Variants in OTOA observed in about 807,000 individuals in gnomAD.
OTOA encodes the protein cancer/testis antigen 108.
Under a neutral mutation model 110.8 loss-of-function variants are expected in OTOA, and 70 were observed. The ratio of observed to expected loss-of-function variants is 0.63; its 90% CI spans 0.52 to 0.77. The LOEUF is 0.77. OTOA is among the 30% of genes least tolerant of loss of function. The probability of loss-of-function intolerance (pLI) is 0.00; values close to 1 mark genes in which losing one functional copy is unlikely to be tolerated. For missense variants in OTOA, 917 were observed against 1,075.8 expected, an observed-to-expected ratio of 0.85 and a Z score of 2.06; for synonymous variants, 373 against 431.5, an observed-to-expected ratio of 0.86 and a Z score of 1.68.
intron 24 of OTOA, among the ~76,000 whole-genome samples, chr16:21,749,860 T>G (rs1456590455): frequency 2.8e-5 from 4 of 141,684 alleles, no homozygotes; most frequent in Non-Finnish European, 6.1e-5. Context: ...ATTTTTGTAT[T>G]TTTTGGTAGA....
intron 1 of OTOA, among the ~76,000 whole-genome samples, chr16:21,673,236 C>A (rs1290202143): frequency 6.6e-6 from 1 of 152,132 alleles, no homozygotes; most frequent in Non-Finnish European, 1.5e-5. Flanking sequence ...CCAGTTTCCC[C>A]CATTGGTTAC....
At chr16:21,691,552 T>G (rs767326746) in intron 8 of OTOA, 32 bp from the exon 9 acceptor site, 71 of 1,572,676 alleles carry the variant, frequency 4.5e-5, no homozygotes, top group Non-Finnish European at 6.0e-5. Flanking sequence ...ACCTGCTTGT[T>G]ATTAGCTGAT....
chr16:21,680,249 C>T (rs573210344), intron 5 of OTOA, among the ~76,000 whole-genome samples: 2 of 152,174 alleles, frequency 1.3e-5, no homozygotes, highest in South Asian at 2.1e-4. Flanking sequence ...CGCGGTGGCT[C>T]ATGCCTATAA....
Position 21,710,067 on chromosome 16 carries a change from C to A in OTOA, c.1284C>A (p.Val428=). 6.2e-7 allele frequency: 1 copy of A among 1,613,942 alleles called. No homozygotes were observed. Among genetic ancestry groups the A allele is most frequent in the South Asian group, 1.1e-5 (1 of 91,016 alleles). The change falls in exon 13 of 29, where the codon GTC becomes GTA. Residue 428 remains valine (V), a synonymous_variant. Coordinates refer to ENST00000646100, the MANE Select transcript of OTOA (RefSeq NM_144672.4). The part of the protein sequence containing the change: ...NQVSGWAKSQ[V]IILSAKYLAH... The stretch of plus-strand genomic sequence containing the variant: ...TCTCAGGTTGGGCCAAGAGCCAGGT[C>A]ATCATCTTGTCTGCCAAATACTTGG...
intron 15 of OTOA, among the ~76,000 whole-genome samples, chr16:21,718,773 C>T (rs181412534): frequency 6.6e-6 from 1 of 152,184 alleles, no homozygotes; most frequent in Admixed American, 6.5e-5. Context: ...GTGTTCAGAA[C>T]CTGGCAGGTG....
intron 6 of OTOA, 143 bp downstream of exon 6, chr16:21,681,968 T>C: frequency 1.3e-6 from 1 of 748,014 alleles, no homozygotes; most frequent in Non-Finnish European, 2.3e-6. Context: ...CAGTTTTTCT[T>C]GAAACATGAT....
intron 7 of OTOA, among the ~76,000 whole-genome samples, chr16:21,686,863 G>A (rs781310421): frequency 2.0e-5 from 3 of 152,080 alleles, no homozygotes; most frequent in Non-Finnish European, 2.9e-5. Context: ...ACTGCACTGC[G>A]GACTGGGTGA....
chr16:21,683,513 C>A (rs779476851), intron 6 of OTOA, among the ~76,000 whole-genome samples: 9 of 151,848 alleles, frequency 5.9e-5, no homozygotes, highest in African/African-American at 2.2e-4. Context: ...GCCAACATAG[C>A]GAGACCTTGT....
intron 19 of OTOA, chr16:21,727,000 A>C: frequency 1.5e-5 from 4 of 273,654 alleles, no homozygotes; most frequent in Non-Finnish European, 2.1e-5. Flanking sequence ...GGAGTAGCAC[A>C]TCCCCCTTAG....
chr16:21,672,250 T>C (rs1966850186), intron 1 of OTOA, among the ~76,000 whole-genome samples: 1 of 152,142 alleles, frequency 6.6e-6, no homozygotes, highest in Non-Finnish European at 1.5e-5. Flanking sequence ...ATATCAGTAG[T>C]GTATTCCTTT....
Position 21,728,234 on chromosome 16 carries a change from G to C in OTOA, c.2017-7G>C. On this transcript the variant is annotated splice_polypyrimidine_tract_variant and splice_region_variant and intron_variant, in intron 19 of 28. Transcript: ENST00000646100. ...AACTGCCCATTGGCTCCACTTTTTG[G>C]GTTCAGGACGACTCCATTGCTGATG... 1 of 1,614,062 alleles carries C rather than the reference G, an allele frequency of 6.2e-7. No homozygotes were observed. Among genetic ancestry groups the C allele is most frequent in the South Asian group, 1.1e-5 (1 of 91,078 alleles).
chr16:21,677,162 TA>T (rs1966859632), intron 1 of OTOA, among the ~76,000 whole-genome samples: 1 of 152,214 alleles, frequency 6.6e-6, no homozygotes, highest in African/African-American at 2.4e-5. Context: ...TGAAGCTATA[TA>T]AATCTTTGTG....
At chr16:21,750,412 CAA>C (rs761415597) in intron 24 of OTOA, among the ~76,000 whole-genome samples, 52 of 36,374 alleles carry the variant, frequency 1.4e-3, no homozygotes, top group African/African-American at 2.0e-3. Context: ...GACCTTGTCT[CAA>C]AAAAAAAAAA....
intron 12 of OTOA, chr16:21,705,580 T>A (rs751507799): frequency 1.6e-5 from 7 of 435,668 alleles, no homozygotes; most frequent in Non-Finnish European, 3.0e-5. Flanking sequence ...GAGGCCAAGA[T>A]GGGAGGATCA....
chr16:21,675,202 T>G (rs1966855375), intron 1 of OTOA, among the ~76,000 whole-genome samples: 1 of 148,038 alleles, frequency 6.8e-6, no homozygotes, highest in Non-Finnish European at 1.5e-5. Context: ...TAGGCTGGAG[T>G]GCAGTGGTGC....
intron 10 of OTOA, among the ~76,000 whole-genome samples, chr16:21,698,776 ATTTACTCTCTCAAT>A (rs1897993526): frequency 6.6e-6 from 1 of 152,026 alleles, no homozygotes; most frequent in African/African-American, 2.4e-5. Context: ...CCCCACTGCC[ATTTACTCTCTCAAT>A]GTAGAGTTGC....
intron 19 of OTOA, among the ~76,000 whole-genome samples, chr16:21,727,992 G>A (rs1898978116): frequency 1.3e-5 from 2 of 151,880 alleles, no homozygotes; most frequent in South Asian, 4.2e-4. Flanking sequence ...AGCCTCTCGA[G>A]TAGCTGGGAC....
intron 1 of OTOA, among the ~76,000 whole-genome samples, chr16:21,676,630 A>AT (rs1295850065): frequency 6.6e-6 from 1 of 152,162 alleles, no homozygotes; most frequent in Non-Finnish European, 1.5e-5. Flanking sequence ...GGTTTCTTAC[A>AT]TGCAAAGGTA....
At chr16:21,726,741 T>A (rs1299889405) in intron 19 of OTOA, 83 bp downstream of exon 19, 1 of 1,571,688 alleles carries the variant, frequency 6.4e-7, no homozygotes, top group East Asian at 2.2e-5. Flanking sequence ...CTGGCTAGGA[T>A]CTTGAGCCTG....
Sources: allele counts gnomAD v4.1 joint callset (sites outside exome capture counted in the v4.1 genomes callset), GRCh38; gene constraint gnomAD v4.1.1; transcripts MANE v1.5; gene names NCBI Gene and HGNC (gene_info 2026-07-23, HGNC 2026-07-21).